Variants in CPNE8 observed in about 807,000 individuals in gnomAD.
CPNE8 encodes copine 8.
A neutral mutation model predicts 81.5 loss-of-function variants in CPNE8; 45 were observed. That is an observed-to-expected ratio of 0.55 (90% CI 0.44 to 0.71). CPNE8 has a LOEUF of 0.71. Ranked by LOEUF, CPNE8 falls within the 30% of genes least tolerant of loss-of-function variation. CPNE8 has a pLI of 0.00. For synonymous variants in CPNE8, 252 were observed against 226.3 expected, an observed-to-expected ratio of 1.11 and a Z score of -1.02; for missense variants, 594 against 672.1, an observed-to-expected ratio of 0.88 and a Z score of 1.28.
At chr12:38,854,871 T>C (rs1392601230) in intron 3 of CPNE8, among the ~76,000 whole-genome samples, 1 of 152,066 alleles carries the variant, frequency 6.6e-6, no homozygotes. Flanking sequence ...CTCACACTTC[T>C]ACTTAACATA....
At chr12:38,784,087 T>C (rs1942116147) in intron 6 of CPNE8, among the ~76,000 whole-genome samples, 1 of 152,092 alleles carries the variant, frequency 6.6e-6, no homozygotes. Flanking sequence ...GAAGTAAAAA[T>C]AGCTGTTTTG....
chr12:38,838,447 A>T (rs1400438750), intron 5 of CPNE8, among the ~76,000 whole-genome samples: 1 of 152,176 alleles, frequency 6.6e-6, no homozygotes, highest in Non-Finnish European at 1.5e-5. Context: ...CATGCTCATA[A>T]TCCCTTTAAT....
At chr12:38,786,002 G>A (rs1329106204) in intron 6 of CPNE8, among the ~76,000 whole-genome samples, 1 of 151,718 alleles carries the variant, frequency 6.6e-6, no homozygotes, top group Non-Finnish European at 1.5e-5. Flanking sequence ...AAAGAAAGAA[G>A]AGAACACAAA....
intron 7 of CPNE8, among the ~76,000 whole-genome samples, chr12:38,775,313 A>G (rs1035291036): frequency 3.3e-5 from 5 of 152,228 alleles, no homozygotes; most frequent in Non-Finnish European, 5.9e-5. Context: ...ATAAAGCTAC[A>G]GAATTTATCT....
At chr12:38,808,479 C>T (rs910849818) in intron 6 of CPNE8, among the ~76,000 whole-genome samples, 11 of 151,534 alleles carry the variant, frequency 7.3e-5, no homozygotes, top group Non-Finnish European at 1.5e-4. Flanking sequence ...TGGAAACCAT[C>T]ATTCTCAGTC....
chr12:38,761,840 C>T (rs1941578864), intron 9 of CPNE8, among the ~76,000 whole-genome samples: 2 of 152,120 alleles, frequency 1.3e-5, no homozygotes. Context: ...TATGTCTAAG[C>T]ATAGTGTTGC....
intron 10 of CPNE8, among the ~76,000 whole-genome samples, chr12:38,734,730 G>A (rs1303645410): frequency 1.3e-5 from 2 of 151,952 alleles, no homozygotes; most frequent in Admixed American, 6.6e-5. Flanking sequence ...TCTATGAAAA[G>A]TGTTTAACTT....
At chr12:38,793,575 G>A (rs1267599286) in intron 6 of CPNE8, among the ~76,000 whole-genome samples, 4 of 151,784 alleles carry the variant, frequency 2.6e-5, no homozygotes, top group Non-Finnish European at 5.9e-5. Flanking sequence ...TAAAGGCACA[G>A]ATAAATGTTA....
chr12:38,665,029 G>A (rs1375492700), intron 19 of CPNE8, among the ~76,000 whole-genome samples: 3 of 152,220 alleles, frequency 2.0e-5, no homozygotes, highest in Middle Eastern at 3.4e-3. Context: ...GTCACAAGGT[G>A]TTACTTTATA....
At chr12:38,832,877 T>C (rs1943311854) in intron 5 of CPNE8, among the ~76,000 whole-genome samples, 2 of 152,244 alleles carry the variant, frequency 1.3e-5, no homozygotes, top group East Asian at 1.9e-4. Context: ...TTTAATATTA[T>C]AAAAAAGCAA....
At chr12:38,797,148 C>T (rs1008676808) in intron 6 of CPNE8, among the ~76,000 whole-genome samples, 2 of 152,214 alleles carry the variant, frequency 1.3e-5, no homozygotes, top group Non-Finnish European at 2.9e-5. Flanking sequence ...ACAGCAGTAA[C>T]CTCTGCAGAC....
chr12:38,695,206 A>T (rs901277049), intron 14 of CPNE8, among the ~76,000 whole-genome samples: 3 of 152,166 alleles, frequency 2.0e-5, no homozygotes, highest in Non-Finnish European at 4.4e-5. Context: ...CACCTTTGAG[A>T]TGTAAATCTT....
At chr12:38,800,085 C>T (rs1471367685) in intron 6 of CPNE8, among the ~76,000 whole-genome samples, 2 of 130,580 alleles carry the variant, frequency 1.5e-5, no homozygotes, top group East Asian at 4.3e-4. Flanking sequence ...GGGGGAGGGG[C>T]GCCCGCCATT....
At chr12:38,807,431 C>G (rs891251728) in intron 6 of CPNE8, among the ~76,000 whole-genome samples, 2 of 151,706 alleles carry the variant, frequency 1.3e-5, no homozygotes, top group African/African-American at 4.8e-5. Flanking sequence ...AGAACAGAGC[C>G]CTCAGAAATA....
intron 13 of CPNE8, among the ~76,000 whole-genome samples, chr12:38,704,169 G>A (rs1387742911): frequency 6.6e-6 from 1 of 152,160 alleles, no homozygotes; most frequent in East Asian, 1.9e-4. Flanking sequence ...CAGTACCTGG[G>A]TGACAGGATC....
chr12:38,777,616 T>C lies in CPNE8; in HGVS notation c.408-1315A>G, dbSNP rs190224245. Among the ~76,000 whole-genome samples, 8 of 152,262 alleles carry C rather than the reference T, an allele frequency of 5.3e-5. No individual in the cohort carries two copies. In the East Asian group the frequency reaches 1.3e-3, roughly 26 times the overall value. On this transcript the variant is annotated intron_variant, in intron 6 of 19. Transcript: ENST00000331366. ...TCCTGTAAGCTTCATTCATGGTAAG[T>C]ACCCTACACAGGTATACCATTTTAT...
At chr12:38,678,186 A>G (rs1939334621) in intron 16 of CPNE8, among the ~76,000 whole-genome samples, 1 of 152,028 alleles carries the variant, frequency 6.6e-6, no homozygotes, top group African/African-American at 2.4e-5. Context: ...AATAGAAGAA[A>G]TATTTTTGAC....
At chr12:38,687,379 T>C (rs922357771) in intron 15 of CPNE8, among the ~76,000 whole-genome samples, 4 of 143,806 alleles carry the variant, frequency 2.8e-5, no homozygotes, top group African/African-American at 1.0e-4. Context: ...ACTTTCTTTT[T>C]TTTTTTTTTT....
rs1382943805 is a variant in CPNE8, at chr12:38,777,654, G to A, written c.408-1353C>T. Among the ~76,000 whole-genome samples the A allele has an allele frequency of 2.0e-5, 3 of 152,102 alleles. No individual in the cohort carries two copies. The East Asian group carries it at 5.8e-4, about 29-fold the overall frequency. ...TATACCATTTTATATGTTTACTTAT[G>A]TTTAGATACACAAATACTGATGTTA... On this transcript the variant is annotated intron_variant, in intron 6 of 19. Coordinates refer to ENST00000331366, the MANE Select transcript of CPNE8 (RefSeq NM_153634.3).
Sources: allele counts gnomAD v4.1 joint callset (sites outside exome capture counted in the v4.1 genomes callset), GRCh38; gene constraint gnomAD v4.1.1; transcripts MANE v1.5; gene names NCBI Gene and HGNC (gene_info 2026-07-23, HGNC 2026-07-21).